The following GPR158 variants were observed in gnomAD, a reference collection of about 807,000 sequenced individuals.
GPR158 encodes G protein-coupled receptor 158.
A neutral mutation model predicts 78.2 loss-of-function variants in GPR158; 30 were observed. That is an observed-to-expected ratio of 0.38 (90% CI 0.29 to 0.52). GPR158 has a LOEUF of 0.52. Among genes scored for constraint, GPR158 ranks in the 20% least tolerant of loss-of-function variants. The pLI is 0.83. For missense variants in GPR158, 1,463 were observed against 1,523.5 expected (o/e 0.96, Z 0.66); for synonymous variants, 581 against 591.1 (o/e 0.98, Z 0.25).
chr10:25,265,345 A>G (rs981371322), intron 2 of GPR158, among the ~76,000 whole-genome samples: 3 of 152,256 alleles, frequency 2.0e-5, no homozygotes, highest in Admixed American at 6.5e-5. Context: ...CAAGAAAGTC[A>G]TATGTTCCAG....
chr10:25,473,284 C>T (rs949012111), intron 5 of GPR158, among the ~76,000 whole-genome samples: 3 of 152,088 alleles, frequency 2.0e-5, no homozygotes, highest in East Asian at 1.9e-4. Context: ...TTGAACCAGC[C>T]TTGCATCCCA....
chr10:25,423,844 T>G, intron 4 of GPR158, among the ~76,000 whole-genome samples: 1 of 152,348 alleles, frequency 6.6e-6, no homozygotes, highest in East Asian at 1.9e-4. Flanking sequence ...ACAATAAACA[T>G]ACGTGTGCAT....
chr10:25,416,868 T>G (rs967747464), intron 4 of GPR158, among the ~76,000 whole-genome samples: 2 of 152,106 alleles, frequency 1.3e-5, no homozygotes, highest in Non-Finnish European at 2.9e-5. Flanking sequence ...AACTGTAAGT[T>G]AATAAATTAA....
At chr10:25,414,898 A>T (rs1436830413) in intron 4 of GPR158, among the ~76,000 whole-genome samples, 2 of 152,122 alleles carry the variant, frequency 1.3e-5, no homozygotes, top group African/African-American at 4.8e-5. Flanking sequence ...CATGAGCCAG[A>T]TTGTTTAGAT....
At chr10:25,252,085 C>G (rs1422464109) in intron 2 of GPR158, among the ~76,000 whole-genome samples, 3 of 152,262 alleles carry the variant, frequency 2.0e-5, no homozygotes, top group African/African-American at 7.2e-5. Flanking sequence ...TGCTGACACC[C>G]TTTCTTCCAG....
chr10:25,175,491 C>G lies in GPR158; in HGVS notation c.71C>G (p.Ala24Gly). 6.2e-7 allele frequency: 1 copy of G among 1,611,520 alleles called. No individual in the cohort carries two copies. The highest frequency in any genetic ancestry group is 2.2e-5 in the East Asian group (1 of 44,810). The change falls in exon 1 of 11, where the codon GCC becomes GGC. Residue 24 changes from alanine (A) to glycine (G), a missense_variant. Ala to Gly is a moderately conservative substitution (Grantham distance 60). Transcript: ENST00000376351. This position sits in a 1 kb window ranked among gnomAD's most constrained non-coding sequence, Gnocchi z 6.4. ...LAQLGLGAVG[A>G]SRDPQGRPDS... ...CAGCTGGGATTGGGAGCTGTTGGCG[C>G]CAGCCGCGACCCCCAAGGACGGCCG... is the stretch of plus-strand genomic sequence containing the variant.
intron 2 of GPR158, among the ~76,000 whole-genome samples, chr10:25,241,193 T>TCTTCCTTTCTTTC (rs1853609182): frequency 1.7e-4 from 17 of 101,656 alleles, no homozygotes; most frequent in African/African-American, 9.5e-4. Context: ...TTCTTTCCTT[T>TCTTCCTTTCTTTC]CTTTCTTTCC....
intron 2 of GPR158, among the ~76,000 whole-genome samples, chr10:25,346,796 TG>T (rs1564428379): frequency 6.6e-6 from 1 of 151,954 alleles, no homozygotes; most frequent in Non-Finnish European, 1.5e-5. Context: ...CAACAATTGA[TG>T]AAAGATCTAA....
chr10:25,353,815 G>A (rs905638432), intron 2 of GPR158, among the ~76,000 whole-genome samples: 1 of 152,050 alleles, frequency 6.6e-6, no homozygotes, highest in Non-Finnish European at 1.5e-5. Context: ...TTCAGCCACT[G>A]TAAACCTTGT....
chr10:25,426,115 T>G (rs1834817379), intron 4 of GPR158, among the ~76,000 whole-genome samples: 1 of 152,156 alleles, frequency 6.6e-6, no homozygotes, highest in African/African-American at 2.4e-5. Context: ...TCATGGAATC[T>G]CTCTAGATGA....
intron 2 of GPR158, among the ~76,000 whole-genome samples, chr10:25,305,856 T>C (rs1854668293): frequency 6.6e-6 from 1 of 152,198 alleles, no homozygotes; most frequent in Non-Finnish European, 1.5e-5. Context: ...AACCATGAAG[T>C]AGAAGAGGTA....
rs142785322 is a variant in GPR158 at position 25,599,523 on chromosome 10, G to A, written c.*249G>A. ...TAGGAAAATCTTTCCATTTCAGCAT[G>A]TTTAAGGAAAATAGCCCACAATGTC... is the stretch of plus-strand genomic sequence containing the variant. On this transcript the variant is annotated 3_prime_UTR_variant, in exon 11 of 11. Transcript: ENST00000376351. 1.1e-4 allele frequency: 51 copies of A among 470,568 alleles called. No individual in the cohort carries two copies. Among genetic ancestry groups the A allele is most frequent in the African/African-American group, 8.4e-4 (43 of 51,384 alleles). The allele number at this position is 470,568 out of a possible 1,614,324, so 29.1% of individuals were successfully genotyped here.
intron 2 of GPR158, among the ~76,000 whole-genome samples, chr10:25,285,149 C>G (rs1854332758): frequency 6.6e-6 from 1 of 151,722 alleles, no homozygotes; most frequent in Non-Finnish European, 1.5e-5. Context: ...GCCTGAAGAA[C>G]TCTTTTAATA....
chr10:25,502,291 T>A (rs2130659194), intron 5 of GPR158, among the ~76,000 whole-genome samples: 1 of 152,158 alleles, frequency 6.6e-6, no homozygotes, highest in Admixed American at 6.5e-5. Context: ...TCAACCACCC[T>A]CCCTAGGACC....
intron 1 of GPR158, among the ~76,000 whole-genome samples, chr10:25,213,645 T>C (rs1853165491): frequency 6.6e-6 from 1 of 152,098 alleles, no homozygotes; most frequent in Admixed American, 6.5e-5. Context: ...TGTTCTTTTC[T>C]TTTTTTGTGT....
chr10:25,494,370 TAAG>T (rs1189469934), intron 5 of GPR158, among the ~76,000 whole-genome samples: 5 of 152,180 alleles, frequency 3.3e-5, no homozygotes, highest in African/African-American at 7.2e-5. Context: ...TATGTTTTAT[TAAG>T]AAGTTTATTC....
intron 2 of GPR158, among the ~76,000 whole-genome samples, chr10:25,370,766 G>A (rs1325838088): frequency 1.3e-5 from 2 of 150,064 alleles, no homozygotes; most frequent in African/African-American, 4.9e-5. Flanking sequence ...TTGACAGTGG[G>A]GTGTTAAAGT....
chr10:25,381,387 G>A (rs1357697726), intron 2 of GPR158, among the ~76,000 whole-genome samples: 1 of 152,102 alleles, frequency 6.6e-6, no homozygotes, highest in African/African-American at 2.4e-5. Flanking sequence ...AGATGTTTGG[G>A]TAGTAACTAG....
At chr10:25,364,271 A>G (rs868108943) in intron 2 of GPR158, among the ~76,000 whole-genome samples, 10 of 151,896 alleles carry the variant, frequency 6.6e-5, no homozygotes, top group Non-Finnish European at 1.5e-4. Context: ...TCAATGATTC[A>G]TCCAAATCCT....
Sources: allele counts gnomAD v4.1 joint callset (sites outside exome capture counted in the v4.1 genomes callset), GRCh38; gene constraint gnomAD v4.1.1; non-coding constraint Gnocchi (gnomAD v3.1); transcripts MANE v1.5; gene names NCBI Gene and HGNC (gene_info 2026-07-23, HGNC 2026-07-21).